Variants in GALNT18 observed in about 807,000 individuals in gnomAD.
The protein encoded by GALNT18 is polypeptide N-acetylgalactosaminyltransferase 18.
Under a neutral mutation model 69.5 loss-of-function variants are expected in GALNT18, and 44 were observed. The ratio of observed to expected loss-of-function variants is 0.63; its 90% CI spans 0.50 to 0.81. GALNT18 has a LOEUF of 0.81. Among genes scored for constraint, GALNT18 ranks in the 40% least tolerant of loss-of-function variants. The probability of loss-of-function intolerance (pLI) is 0.00; values close to 1 mark genes in which losing one functional copy is unlikely to be tolerated. For missense variants in GALNT18, 715 were observed against 810.0 expected (o/e 0.88, Z 1.42); for synonymous variants, 364 against 318.2 (o/e 1.14, Z -1.53).
intron 1 of GALNT18, among the ~76,000 whole-genome samples, chr11:11,492,274 G>A (rs1261074612): frequency 6.6e-6 from 1 of 152,142 alleles, no homozygotes; most frequent in Non-Finnish European, 1.5e-5. Context: ...GAGACACCAG[G>A]TGCTGCCCTC....
chr11:11,550,918 TTTAA>T (rs1381601809), intron 1 of GALNT18, among the ~76,000 whole-genome samples: 18 of 152,138 alleles, frequency 1.2e-4, no homozygotes, highest in African/African-American at 4.1e-4. Flanking sequence ...TTAATAGAGA[TTTAA>T]TTGTTATTGC....
At position 11,463,753 on chromosome 11, in the gene GALNT18, G is replaced by A. The variant is rs1281824215; in HGVS notation, c.236-14817C>T. 6.6e-6 allele frequency among the ~76,000 whole-genome samples: 1 copy of A among 152,196 alleles called. No homozygotes were observed. On this transcript the variant is annotated intron_variant, in intron 1 of 10. Transcript: ENST00000227756. The surrounding 1 kb of genome is among the most constrained non-coding windows in gnomAD (Gnocchi z 4.2). ...AATCCACGTCAAAGAAGCCATCAAA[G>A]GAAATAGGCCATTTTCAAACAAAAT... is the stretch of plus-strand genomic sequence containing the variant.
intron 1 of GALNT18, among the ~76,000 whole-genome samples, chr11:11,510,459 A>G (rs549372586): frequency 4.7e-5 from 7 of 148,840 alleles, no homozygotes; most frequent in Admixed American, 2.0e-4. Context: ...ACCTTCCATG[A>G]GTACAGCTCA....
chr11:11,327,136 C>T lies in GALNT18; in HGVS notation c.1462G>A (p.Asp488Asn). 6.2e-7 allele frequency: 1 copy of T among 1,614,116 alleles called. No homozygotes were observed. Among genetic ancestry groups the T allele is most frequent in the Non-Finnish European group, 8.5e-7 (1 of 1,179,960 alleles). The change falls in exon 9 of 11, where the codon GAT becomes AAT. Residue 488 changes from aspartate (D) to asparagine (N), a missense_variant. Physicochemically the swap from Asp to Asn is conservative, Grantham distance 23. Transcript: ENST00000227756. ...KTDLCLDQGP[D>N]TENVPIMYIC... is the part of the protein sequence containing the mutation. ...TACATGATGGGGACATTCTCTGTAT[C>T]TGGCCCCTGGTCAAGACACAAATCA...
chr11:11,571,495 G>C (rs1049823123), intron 1 of GALNT18, among the ~76,000 whole-genome samples: 9 of 152,328 alleles, frequency 5.9e-5, no homozygotes, highest in African/African-American at 1.7e-4. Context: ...CTAATGACTA[G>C]GTCAGATCAA....
At chr11:11,355,585 T>C (rs1439127634) in intron 6 of GALNT18, among the ~76,000 whole-genome samples, 1 of 152,232 alleles carries the variant, frequency 6.6e-6, no homozygotes, top group African/African-American at 2.4e-5. Context: ...TTTATTTATA[T>C]ATGCCAAATG....
Position 11,340,734 on chromosome 11 carries a change from A to G in GALNT18, c.1278+85T>C. ...TGGCAAACAGGACTCTGGCTGACCC[A>G]TAGGAAGAAGGGTTCGGTCCCATAT... On this transcript the variant is annotated intron_variant, in intron 7 of 10. Transcript: ENST00000227756. This position sits in a 1 kb window ranked among gnomAD's most constrained non-coding sequence, Gnocchi z 4.2. 1.5e-6 allele frequency: 2 copies of G among 1,313,338 alleles called. No homozygotes were observed. The highest frequency in any genetic ancestry group is 2.1e-6 in the Non-Finnish European group (2 of 950,078). 81.4% of individuals were successfully genotyped at this position (1,313,338 alleles called of 1,614,324 possible).
chr11:11,462,079 T>A (rs1445865271), intron 1 of GALNT18, among the ~76,000 whole-genome samples: 1 of 152,120 alleles, frequency 6.6e-6, no homozygotes, highest in Non-Finnish European at 1.5e-5. Context: ...AGATTACAGA[T>A]CGTGGGGTCC....
In GALNT18 at chr11:11,413,661, T is replaced by G. The variant is rs769924469; in HGVS notation, c.595+18960A>C. ...TGTGGCTGCACCCGGGGCCCCAGCA[T>G]GGAGCAGAGGGAGTCTGGGAAGTTG... On this transcript the variant is annotated intron_variant, in intron 3 of 10. Transcript: ENST00000227756. The surrounding 1 kb of genome is among the most constrained non-coding windows in gnomAD (Gnocchi z 4.7). Among the ~76,000 whole-genome samples the G allele has an allele frequency of 3.7e-4, 56 of 152,176 alleles. No individual in the cohort carries two copies. Among genetic ancestry groups the G allele is most frequent in the Admixed American group, 7.8e-4 (12 of 15,288 alleles).
chr11:11,432,806 C>T lies in GALNT18; in HGVS notation c.429-19G>A, dbSNP rs755404139. The T allele has an allele frequency of 4.2e-5, 67 of 1,607,894 alleles. 1 individual carries two copies. Among genetic ancestry groups the T allele is most frequent in the Non-Finnish European group, 5.2e-5 (61 of 1,175,416 alleles). ...ACGGCACCTGCAAAGAACAGCCAAG[C>T]GCTTAGATTTGTGACTCAGCTGGAG... On this transcript the variant is annotated intron_variant, in intron 2 of 10. Coordinates refer to ENST00000227756, the MANE Select transcript of GALNT18 (RefSeq NM_198516.3). The surrounding 1 kb of genome is among the most constrained non-coding windows in gnomAD (Gnocchi z 5.8).
At chr11:11,581,855 G>C (rs1377841520) in intron 1 of GALNT18, among the ~76,000 whole-genome samples, 4 of 152,030 alleles carry the variant, frequency 2.6e-5, no homozygotes, top group South Asian at 2.1e-4. Context: ...TTTTCTTTGA[G>C]ACCCACAGGT....
intron 1 of GALNT18, among the ~76,000 whole-genome samples, chr11:11,560,031 A>AGGATAGGATGGGATGGGATG (rs1379707588): frequency 1.9e-5 from 1 of 51,548 alleles, no homozygotes; most frequent in Non-Finnish European, 4.3e-5. Flanking sequence ...GGAATGGGAT[A>AGGATAGGATGGGATGGGATG]GGATAGGATG....
At chr11:11,509,853 A>T (rs1029686881) in intron 1 of GALNT18, among the ~76,000 whole-genome samples, 2 of 152,266 alleles carry the variant, frequency 1.3e-5, no homozygotes, top group Non-Finnish European at 2.9e-5. Flanking sequence ...GATCCTGTTC[A>T]TGGTGACAAT....
Position 11,480,096 on chromosome 11 carries a change from A to G in GALNT18, c.236-31160T>C, listed in dbSNP as rs11021874. 0.48 allele frequency among the ~76,000 whole-genome samples: 72,884 copies of G among 151,752 alleles called. 17,822 individuals are homozygous for G. Among genetic ancestry groups the G allele is most frequent in the Admixed American group, 0.59 (8,980 of 15,246 alleles). On this transcript the variant is annotated intron_variant, in intron 1 of 10. Coordinates refer to ENST00000227756, the MANE Select transcript of GALNT18 (RefSeq NM_198516.3). The surrounding 1 kb of genome is among the most constrained non-coding windows in gnomAD (Gnocchi z 4.6). ...GGTACAGGAGGCAGAAAATACTGCT[A>G]TTTGTCACCTTCCCTACCTTGAGCT...
At chr11:11,501,875 C>T (rs1450135399) in intron 1 of GALNT18, among the ~76,000 whole-genome samples, 1 of 152,222 alleles carries the variant, frequency 6.6e-6, no homozygotes, top group Non-Finnish European at 1.5e-5. Context: ...TCTTAGCTGA[C>T]ACAGCACAGG....
At chr11:11,556,407 C>A (rs1312543077) in intron 1 of GALNT18, among the ~76,000 whole-genome samples, 1 of 152,230 alleles carries the variant, frequency 6.6e-6, no homozygotes, top group Non-Finnish European at 1.5e-5. Flanking sequence ...AAGTCGCCAA[C>A]ATGGCACCGG....
At chr11:11,528,162 G>A (rs1857561155) in intron 1 of GALNT18, among the ~76,000 whole-genome samples, 1 of 152,210 alleles carries the variant, frequency 6.6e-6, no homozygotes, top group African/African-American at 2.4e-5. Context: ...GAGTTCAAAA[G>A]AGGAAGGCCA....
chr11:11,525,297 T>C, intron 1 of GALNT18, among the ~76,000 whole-genome samples: 1 of 151,864 alleles, frequency 6.6e-6, no homozygotes. Context: ...CCTTCTAGGG[T>C]AATAGAAATA....
chr11:11,482,064 A>G (rs1856542759), intron 1 of GALNT18, among the ~76,000 whole-genome samples: 1 of 152,180 alleles, frequency 6.6e-6, no homozygotes, highest in Admixed American at 6.5e-5. Context: ...CTACTGGGCT[A>G]CGGGCCTCCT....
Sources: gnomAD v4.1 joint callset for allele counts (sites outside exome capture counted in the v4.1 genomes callset) on GRCh38, gnomAD v4.1.1 for gene constraint, Gnocchi (gnomAD v3.1) non-coding constraint, MANE v1.5 for transcripts, NCBI Gene and HGNC (gene_info 2026-07-23, HGNC 2026-07-21) for gene names.